Variants in KREMEN1 observed in about 807,000 individuals in gnomAD.
KREMEN1 encodes kremen protein 1.
In KREMEN1, 30 loss-of-function variants were observed where a neutral mutation model predicts 46.5. That is an observed-to-expected ratio of 0.65 (90% CI 0.48 to 0.88). The LOEUF is 0.88. Among genes scored for constraint, KREMEN1 ranks in the 40% least tolerant of loss-of-function variants. The pLI is 0.00. For synonymous variants in KREMEN1, 214 were observed against 230.6 expected (o/e 0.93, Z 0.65); for missense variants, 533 against 596.9 (o/e 0.89, Z 1.11).
At chr22:29,166,942 A>G (rs945439079) in intron 9 of KREMEN1, 1 of 952,154 alleles carries the variant, frequency 1.1e-6, no homozygotes, top group Non-Finnish European at 1.7e-6. Flanking sequence ...CAAAAACAAA[A>G]CAAAAGAGAC....
intron 3 of KREMEN1, among the ~76,000 whole-genome samples, chr22:29,114,737 C>T (rs982666041): frequency 6.6e-6 from 1 of 152,092 alleles, no homozygotes; most frequent in Admixed American, 6.5e-5. Context: ...GACAAATTAA[C>T]TATTAAAGTC....
chr22:29,150,810 C>T (rs540733317), downstream of KREMEN1, among the ~76,000 whole-genome samples: 11 of 152,162 alleles, frequency 7.2e-5, no homozygotes, highest in Admixed American at 1.3e-4. Flanking sequence ...GTGTACCAGA[C>T]GCTGTGCCAA....
At chr22:29,104,250 A>G (rs1222909279) in intron 3 of KREMEN1, among the ~76,000 whole-genome samples, 1 of 149,846 alleles carries the variant, frequency 6.7e-6, no homozygotes, top group East Asian at 2.0e-4. Context: ...CTCTACCTCT[A>G]GGCTCAAACA....
At chr22:29,117,396 T>C (rs575999975) in intron 3 of KREMEN1, among the ~76,000 whole-genome samples, 116 of 152,230 alleles carry the variant, frequency 7.6e-4, no homozygotes, top group Middle Eastern at 3.4e-3. Context: ...TGAAACCCTG[T>C]CTGTACTAAA....
intron 2 of KREMEN1, among the ~76,000 whole-genome samples, chr22:29,097,482 C>T (rs8142545): frequency 0.087 from 13,183 of 152,228 alleles, 830 homozygotes; most frequent in African/African-American, 0.17. Context: ...GAGACTCTGA[C>T]GCAGTTTTCT....
Position 29,112,983 on chromosome 22 carries a change from G to A in KREMEN1, c.353-8374G>A, listed in dbSNP as rs528857889. Among the ~76,000 whole-genome samples, 3 of 152,336 alleles carry A rather than the reference G, an allele frequency of 2.0e-5. No individual in the cohort carries two copies. In the South Asian group the frequency reaches 6.2e-4, roughly 32 times the overall value. ...GCCCCCTCAGAGGCTGACTGGGACC[G>A]CAGAGGCTTCCCTCGTGGTGAACAG... On this transcript the variant is annotated intron_variant, in intron 3 of 8. Coordinates refer to ENST00000400335, the MANE Select transcript of KREMEN1 (RefSeq NM_001039570.3).
At chr22:29,163,261 T>C (rs2039027845) in intron 9 of KREMEN1, among the ~76,000 whole-genome samples, 1 of 152,174 alleles carries the variant, frequency 6.6e-6, no homozygotes, top group African/African-American at 2.4e-5. Flanking sequence ...TGTCTGCTTC[T>C]CCTTTTGCCT....
intron 1 of KREMEN1, among the ~76,000 whole-genome samples, chr22:29,084,951 T>G (rs2037707779): frequency 6.6e-6 from 1 of 152,198 alleles, no homozygotes; most frequent in South Asian, 2.1e-4. Context: ...CTAAAAGGTA[T>G]TTTAATAAAA....
At chr22:29,090,657 G>GA (rs1001253833) in intron 1 of KREMEN1, among the ~76,000 whole-genome samples, 4 of 151,546 alleles carry the variant, frequency 2.6e-5, no homozygotes, top group African/African-American at 9.7e-5. Flanking sequence ...CTGTTTTGAA[G>GA]AAAAAAAATA....
chr22:29,079,709 G>A lies in KREMEN1; in HGVS notation c.97+6482G>A, dbSNP rs532306575. 2.6e-5 allele frequency among the ~76,000 whole-genome samples: 4 copies of A among 152,302 alleles called. No individual in the cohort carries two copies. The South Asian group carries it at 6.2e-4, about 24-fold the overall frequency. ...GCAACTTTTAAAGGTGATTCAGAGC[G>A]GCTGTAGCTATCAGCGTGTATGATT... On this transcript the variant is annotated intron_variant, in intron 1 of 8. Transcript: ENST00000400335.
At chr22:29,160,635 AAAC>A (rs2145875027) in intron 9 of KREMEN1, among the ~76,000 whole-genome samples, 1 of 152,258 alleles carries the variant, frequency 6.6e-6, no homozygotes, top group Admixed American at 6.5e-5. Flanking sequence ...TTTTGGGGGT[AAAC>A]AACAAAATAA....
rs772523826 is a variant in KREMEN1, at chr22:29,137,452, G to C, written c.742G>C (p.Val248Leu). Residue 248 changes from valine (V) to leucine (L), a missense_variant, in exon 6 of 9, where the codon GTT (valine) becomes CTT (leucine). Physicochemically the swap from Val to Leu is conservative, Grantham distance 32. Transcript: ENST00000400335. ...GAGGGTCTGCTACTGGACCATCCGG[G>C]TTCCGGGGGCCTCCCACATCCACTT... ...TGRVCYWTIR[V>L]PGASHIHFSF... The C allele has an allele frequency of 1.9e-6, 3 of 1,603,658 alleles. No individual in the cohort carries two copies. Among genetic ancestry groups the C allele is most frequent in the South Asian group, 1.1e-5 (1 of 90,742 alleles).
intron 3 of KREMEN1, among the ~76,000 whole-genome samples, chr22:29,104,777 C>G (rs937458221): frequency 2.0e-5 from 3 of 152,062 alleles, no homozygotes; most frequent in African/African-American, 7.2e-5. Flanking sequence ...ATCTGTAGTC[C>G]CACCTATTCG....
chr22:29,139,338 A>T (rs1450324571), intron 7 of KREMEN1, among the ~76,000 whole-genome samples: 1 of 152,242 alleles, frequency 6.6e-6, no homozygotes, highest in Non-Finnish European at 1.5e-5. Flanking sequence ...GCAGTGGCTC[A>T]TGCCTGTAAC....
At chr22:29,133,014 C>T (rs559479916) in intron 5 of KREMEN1, among the ~76,000 whole-genome samples, 5 of 152,022 alleles carry the variant, frequency 3.3e-5, no homozygotes, top group African/African-American at 1.2e-4. Context: ...TTTGGGAGGC[C>T]GAGGCGGGTG....
At position 29,127,273 on chromosome 22, in the gene KREMEN1, C is replaced by CACTAGAGAGGT. The variant is rs1337916621; in HGVS notation, c.631+1858_631+1868dup. On this transcript the variant is annotated intron_variant, in intron 5 of 8. Coordinates refer to ENST00000400335, the MANE Select transcript of KREMEN1 (RefSeq NM_001039570.3). The stretch of plus-strand genomic sequence containing the variant: ...GCTGGGATTCATACTGCTAAGAAAC[C>CACTAGAGAGGT]ACTAGAGAGGTGCTAGAGAGGAAAG... 2.0e-5 allele frequency among the ~76,000 whole-genome samples: 3 copies of CACTAGAGAGGT among 152,248 alleles called. No individual in the cohort carries two copies. In the East Asian group the frequency reaches 5.8e-4, roughly 29 times the overall value.
At chr22:29,157,610 T>A (rs1360241703) in intron 9 of KREMEN1, among the ~76,000 whole-genome samples, 1 of 152,104 alleles carries the variant, frequency 6.6e-6, no homozygotes, top group Non-Finnish European at 1.5e-5. Flanking sequence ...AGTGCTGGGA[T>A]TACAGGTGTG....
At chr22:29,117,372 C>G (rs994335328) in intron 3 of KREMEN1, among the ~76,000 whole-genome samples, 8 of 152,110 alleles carry the variant, frequency 5.3e-5, no homozygotes, top group Non-Finnish European at 1.0e-4. Context: ...TCGAGACCAT[C>G]CTGGCTAACA....
chr22:29,142,216 C>T lies in KREMEN1; in HGVS notation c.*104C>T. Reference sequence around the variant, plus strand: ...CTGACAGACTCTTCCCCTCCTCTCCCTCTGCCTCGGCCTCTTCGGGGAAAC... The same window carrying T: ...CTGACAGACTCTTCCCCTCCTCTCCTTCTGCCTCGGCCTCTTCGGGGAAAC... On this transcript the variant is annotated 3_prime_UTR_variant, in exon 9 of 9. Transcript: ENST00000400335. 3 of 1,420,652 alleles carry T rather than the reference C, an allele frequency of 2.1e-6. No individual in the cohort carries two copies. Among genetic ancestry groups the T allele is most frequent in the Non-Finnish European group, 2.8e-6 (3 of 1,089,216 alleles). 88.0% of individuals were successfully genotyped at this position (1,420,652 alleles called of 1,614,324 possible). A position where few individuals can be genotyped will look rare whatever the true frequency, so the allele number is the denominator to read the frequency against.
Sources: gnomAD v4.1 joint callset for allele counts (sites outside exome capture counted in the v4.1 genomes callset) on GRCh38, gnomAD v4.1.1 for gene constraint, MANE v1.5 for transcripts, NCBI Gene and HGNC (gene_info 2026-07-23, HGNC 2026-07-21) for gene names.